The following NID2 variants were observed in gnomAD, a reference collection of about 807,000 sequenced individuals.
The protein encoded by NID2 is nidogen 2, also known as nidogen-2.
In NID2, 83 loss-of-function variants were observed where a neutral mutation model predicts 145.4. The observed-to-expected ratio is 0.57, with a 90% confidence interval of 0.48 to 0.69. The LOEUF is 0.69. Among genes scored for constraint, NID2 ranks in the 30% least tolerant of loss-of-function variants. The pLI is 0.00. For missense variants in NID2, 1,807 were observed against 1,765.7 expected (o/e 1.02, Z -0.42); for synonymous variants, 739 against 701.3 (o/e 1.05, Z -0.85).
intron 11 of NID2, among the ~76,000 whole-genome samples, chr14:52,028,275 T>TTTTTTTG (rs1891662406): frequency 3.5e-5 from 1 of 28,330 alleles, no homozygotes. Flanking sequence ...ATTTTGTTGT[T>TTTTTTTG]TTTTTTTTTG....
chr14:52,061,650 A>G (rs1893023028), intron 2 of NID2, among the ~76,000 whole-genome samples: 1 of 152,206 alleles, frequency 6.6e-6, no homozygotes, highest in Non-Finnish European at 1.5e-5. Flanking sequence ...AACACAGACC[A>G]GAGAGGGACC....
At chr14:52,055,657 T>C (rs558613971) in intron 3 of NID2, among the ~76,000 whole-genome samples, 12 of 152,266 alleles carry the variant, frequency 7.9e-5, no homozygotes, top group Admixed American at 7.8e-4. Flanking sequence ...ATGGGAAAAC[T>C]TGAGTGAACA....
chr14:52,040,300 G>T (rs1892231395), intron 8 of NID2, among the ~76,000 whole-genome samples: 1 of 151,564 alleles, frequency 6.6e-6, no homozygotes, highest in Non-Finnish European at 1.5e-5. Context: ...AAACAAGGTT[G>T]AGATAAATAT....
chr14:52,047,111 A>C (rs185144701), intron 5 of NID2, among the ~76,000 whole-genome samples: 1 of 152,348 alleles, frequency 6.6e-6, no homozygotes, highest in Non-Finnish European at 1.5e-5. Flanking sequence ...CTAGAAACTG[A>C]GGACATGGCA....
chr14:52,036,346 T>C (rs1353276996), intron 9 of NID2, among the ~76,000 whole-genome samples: 1 of 152,232 alleles, frequency 6.6e-6, no homozygotes, highest in Non-Finnish European at 1.5e-5. Context: ...TATCCGTACT[T>C]CATTCCTTTT....
At chr14:52,031,538 T>C (rs779238113) in intron 9 of NID2, among the ~76,000 whole-genome samples, 3 of 152,208 alleles carry the variant, frequency 2.0e-5, no homozygotes, top group Admixed American at 1.3e-4. Context: ...TCCATCTAAG[T>C]TGTAATAACT....
rs764908128 is a variant in NID2 at position 52,006,535 on chromosome 14, A to ACC, written c.4004_4004+1dup. ...GGCTTGTCCAGAATTTGTGGGGCTC[A>ACC]CCTCCTCCAGTCTGTGTGGTAGAAG... is the stretch of plus-strand genomic sequence containing the variant. On this transcript the variant is annotated splice_donor_variant, in intron 20 of 21. Transcript: ENST00000216286. LOFTEE classifies it high-confidence loss of function. 63 of 1,613,216 alleles carry ACC rather than the reference A, an allele frequency of 3.9e-5. No individual in the cohort carries two copies. Among genetic ancestry groups the ACC allele is most frequent in the Non-Finnish European group, 4.9e-5 (58 of 1,179,504 alleles).
chr14:52,021,048 T>C (rs2516600), intron 12 of NID2, among the ~76,000 whole-genome samples: 71,348 of 150,294 alleles, frequency 0.47, 17,573 homozygotes, highest in South Asian at 0.58. Flanking sequence ...GAGAATTGAA[T>C]GGTTAAAACT....
chr14:52,005,903 AGTC>A, intron 20 of NID2, 54 bp from the exon 21 acceptor site: 1 of 718,136 alleles, frequency 1.4e-6, no homozygotes, highest in East Asian at 1.0e-4. Context: ...TAGATAAAGA[AGTC>A]AGTCAGCCAC....
chr14:52,005,973 G>A (rs2140336914), intron 20 of NID2, 124 bp from the exon 21 acceptor site: 1 of 683,522 alleles, frequency 1.5e-6, no homozygotes, highest in Non-Finnish European at 2.6e-6. Context: ...CCCAGGGCTG[G>A]TGCTAAAGCC....
At chr14:52,036,013 G>A (rs1892058721) in intron 9 of NID2, among the ~76,000 whole-genome samples, 1 of 151,752 alleles carries the variant, frequency 6.6e-6, no homozygotes, top group African/African-American at 2.4e-5. Context: ...CTGGCCTTCA[G>A]TTGAGAAGTA....
chr14:52,030,567 A>AGAAAGAAAGAAAGAAAGAAC lies in NID2; in HGVS notation c.2258-878_2258-877insGTTCTTTCTTTCTTTCTTTC, dbSNP rs66551436. ...AAGAAAGAAAGAAAGAAAGAAAGAA[A>AGAAAGAAAGAAAGAAAGAAC]GGAAGGAAGGGAAAGAAAGAAAGAA... On this transcript the variant is annotated intron_variant, in intron 9 of 21. Coordinates refer to ENST00000216286, the MANE Select transcript of NID2 (RefSeq NM_007361.4). Among the ~76,000 whole-genome samples, 9 of 99,320 alleles carry AGAAAGAAAGAAAGAAAGAAC rather than the reference A, an allele frequency of 9.1e-5. No homozygotes were observed. In the East Asian group the frequency reaches 1.3e-3, roughly 14 times the overall value. The allele number at this position is 99,320 out of a possible 152,430, so 65.2% of individuals were successfully genotyped here. A position where few individuals can be genotyped will look rare whatever the true frequency, so the allele number is the denominator to read the frequency against.
chr14:52,007,335 GAC>G (rs1458232030), intron 19 of NID2: 2 of 174,262 alleles, frequency 1.1e-5, no homozygotes, highest in African/African-American at 4.8e-5. Context: ...TATAGAACTA[GAC>G]ACACAGCATT....
At chr14:52,022,133 AGG>A (rs1891422707) in intron 12 of NID2, among the ~76,000 whole-genome samples, 1 of 152,066 alleles carries the variant, frequency 6.6e-6, no homozygotes, top group African/African-American at 2.4e-5. Flanking sequence ...CTCAAGAGAG[AGG>A]GGATTCCCCA....
At chr14:52,051,999 AT>A (rs1877019287) in intron 5 of NID2, among the ~76,000 whole-genome samples, 1 of 152,176 alleles carries the variant, frequency 6.6e-6, no homozygotes, top group African/African-American at 2.4e-5. Flanking sequence ...TAACCCTTTA[AT>A]ACATGACTCC....
At chr14:52,029,515 A>G in intron 10 of NID2, 32 bp downstream of exon 10, 1 of 1,590,506 alleles carries the variant, frequency 6.3e-7, no homozygotes, top group Non-Finnish European at 8.6e-7. Flanking sequence ...AACAAGGGCT[A>G]CAAGAAGGAG....
At chr14:52,042,050 G>A (rs1892297501) in intron 7 of NID2, 55 bp downstream of exon 7, 1 of 1,528,370 alleles carries the variant, frequency 6.5e-7, no homozygotes, top group Non-Finnish European at 8.8e-7. Context: ...GTGCCCCAAG[G>A]AGCACCACTG....
At chr14:52,012,502 T>C (rs1891069034) in intron 16 of NID2, among the ~76,000 whole-genome samples, 2 of 151,724 alleles carry the variant, frequency 1.3e-5, no homozygotes, top group South Asian at 2.1e-4. Flanking sequence ...GGAGACCGAG[T>C]TGGGAGGATC....
intron 19 of NID2, 87 bp downstream of exon 19, chr14:52,007,723 T>C: frequency 8.5e-7 from 1 of 1,171,760 alleles, no homozygotes; most frequent in Non-Finnish European, 1.2e-6. Flanking sequence ...ATCTAAGTGA[T>C]GGGATTTCAT....
Sources: allele counts gnomAD v4.1 joint callset (sites outside exome capture counted in the v4.1 genomes callset), GRCh38; gene constraint gnomAD v4.1.1; transcripts MANE v1.5; gene names NCBI Gene and HGNC (gene_info 2026-07-23, HGNC 2026-07-21).